PAPPA: variants seen among roughly 807,000 people sequenced by gnomAD.
PAPPA encodes the protein pappalysin-1.
A neutral mutation model predicts 164.0 loss-of-function variants in PAPPA; 60 were observed. That is an observed-to-expected ratio of 0.37 (90% CI 0.30 to 0.45). The LOEUF (loss-of-function observed/expected upper bound fraction) is 0.45. PAPPA is among the 20% of genes least tolerant of loss of function. PAPPA has a pLI of 1.00. For synonymous variants in PAPPA, 875 were observed against 814.1 expected (o/e 1.07, Z -1.27); for missense variants, 1,782 against 2,087.3 (o/e 0.85, Z 2.85).
At chr9:116,321,940 T>A (rs529266902) in intron 10 of PAPPA, among the ~76,000 whole-genome samples, 8 of 152,068 alleles carry the variant, frequency 5.3e-5, no homozygotes, top group African/African-American at 1.7e-4. Context: ...AGCCATGGAG[T>A]AAGAAGAGAA....
intron 17 of PAPPA, among the ~76,000 whole-genome samples, chr9:116,359,773 A>C (rs898675671): frequency 2.0e-5 from 3 of 152,260 alleles, no homozygotes; most frequent in Non-Finnish European, 4.4e-5. Flanking sequence ...AAAGTGATTC[A>C]TTTGTCTAGC....
At chr9:116,171,129 G>T (rs527561897) in intron 1 of PAPPA, among the ~76,000 whole-genome samples, 1 of 152,272 alleles carries the variant, frequency 6.6e-6, no homozygotes, top group African/African-American at 2.4e-5. Context: ...AAAAACAATA[G>T]GAAGTTTGAA....
At chr9:116,319,747 G>A (rs1057284326) in intron 10 of PAPPA, among the ~76,000 whole-genome samples, 3 of 152,166 alleles carry the variant, frequency 2.0e-5, no homozygotes, top group Non-Finnish European at 4.4e-5. Context: ...CATCCACTCC[G>A]AACAGGTGTG....
chr9:116,304,431 G>A (rs1216552208), intron 10 of PAPPA, among the ~76,000 whole-genome samples: 2 of 152,116 alleles, frequency 1.3e-5, no homozygotes, highest in African/African-American at 4.8e-5. Flanking sequence ...ACAGTGCTGG[G>A]GCCAGCAAGA....
intron 1 of PAPPA, among the ~76,000 whole-genome samples, chr9:116,178,573 A>G (rs1394325209): frequency 6.6e-6 from 1 of 152,234 alleles, no homozygotes; most frequent in African/African-American, 2.4e-5. Flanking sequence ...AAGGAGATAA[A>G]GAGATTTTGT....
chr9:116,381,433 C>T (rs1311702877), intron 20 of PAPPA, among the ~76,000 whole-genome samples: 1 of 152,182 alleles, frequency 6.6e-6, no homozygotes, highest in Non-Finnish European at 1.5e-5. Context: ...GCTACAGAAA[C>T]ATAAACAGAC....
At chr9:116,185,037 G>C (rs772323890) in intron 1 of PAPPA, among the ~76,000 whole-genome samples, 1 of 152,146 alleles carries the variant, frequency 6.6e-6, no homozygotes, top group Non-Finnish European at 1.5e-5. Flanking sequence ...TCAAAGAAGA[G>C]AATAATCACT....
chr9:116,325,273 C>T (rs1223887381), intron 10 of PAPPA, among the ~76,000 whole-genome samples: 1 of 152,100 alleles, frequency 6.6e-6, no homozygotes, highest in Non-Finnish European at 1.5e-5. Flanking sequence ...AGAGAAAATG[C>T]AGTGGCTCTA....
At chr9:116,168,352 A>C (rs1018026440) in intron 1 of PAPPA, among the ~76,000 whole-genome samples, 1 of 152,220 alleles carries the variant, frequency 6.6e-6, no homozygotes, top group Non-Finnish European at 1.5e-5. Context: ...GCATAGTTCC[A>C]TGCCTTGAGG....
chr9:116,280,320 C>A (rs1845251113), intron 9 of PAPPA, among the ~76,000 whole-genome samples: 1 of 152,052 alleles, frequency 6.6e-6, no homozygotes. Context: ...AAGTATATAA[C>A]CAAAGGGCCT....
rs78508711 is a variant in PAPPA at position 116,191,788 on chromosome 9, G to A, written c.1478+3572G>A. 6.2e-3 allele frequency among the ~76,000 whole-genome samples: 945 copies of A among 152,248 alleles called. 34 individuals are homozygous for A. In the East Asian group the frequency reaches 0.11, roughly 17 times the overall value. ...TGAGGGTCCTAGCAGGAAACAGATG[G>A]CACATTCAAACAGAATAATTAAGGA... On this transcript the variant is annotated intron_variant, in intron 2 of 21. Coordinates refer to ENST00000328252, the MANE Select transcript of PAPPA (RefSeq NM_002581.5).
Position 116,270,288 on chromosome 9 carries a change from C to T in PAPPA, c.2862-1037C>T, listed in dbSNP as rs1180175326. On this transcript the variant is annotated intron_variant, in intron 8 of 21. Coordinates refer to ENST00000328252, the MANE Select transcript of PAPPA (RefSeq NM_002581.5). ...TGAGAAAACTGAAGTTCAGCATCCA[C>T]AGGAGCACTGTTCAATGGATTTTTC... 1.2e-3 allele frequency among the ~76,000 whole-genome samples: 176 copies of T among 152,344 alleles called. 1 individual carries two copies. The highest frequency in any genetic ancestry group is 1.6e-4 in the Non-Finnish European group (11 of 68,032).
chr9:116,276,662 C>G (rs1029613443), intron 9 of PAPPA, among the ~76,000 whole-genome samples: 5 of 152,212 alleles, frequency 3.3e-5, no homozygotes, highest in African/African-American at 1.2e-4. Context: ...ACCCCCACGT[C>G]GTCTTTCCCA....
At chr9:116,333,068 G>A (rs1846014688) in intron 12 of PAPPA, among the ~76,000 whole-genome samples, 1 of 152,058 alleles carries the variant, frequency 6.6e-6, no homozygotes, top group Admixed American at 6.5e-5. Flanking sequence ...AGGGCCAAGG[G>A]GGAGGACAAG....
At chr9:116,302,366 G>A (rs534571988) in intron 9 of PAPPA, among the ~76,000 whole-genome samples, 78 of 151,832 alleles carry the variant, frequency 5.1e-4, no homozygotes, top group Non-Finnish European at 9.7e-4. Flanking sequence ...CATACTCACT[G>A]AAAAGCAACT....
intron 7 of PAPPA, among the ~76,000 whole-genome samples, chr9:116,252,931 T>C (rs1222501957): frequency 6.6e-6 from 1 of 152,240 alleles, no homozygotes; most frequent in African/African-American, 2.4e-5. Flanking sequence ...ATATGTGTGC[T>C]TTCTCAAACT....
In PAPPA at chr9:116,396,575, G is replaced by A. The variant is rs1484926492; in HGVS notation, c.4843G>A (p.Glu1615Lys). 1 of 780,846 alleles carries A rather than the reference G, an allele frequency of 1.3e-6. No individual in the cohort carries two copies. The highest frequency in any genetic ancestry group is 2.4e-5 in the East Asian group (1 of 41,224). 48.4% of individuals were successfully genotyped at this position (780,846 alleles called of 1,614,324 possible). A position where few individuals can be genotyped will look rare whatever the true frequency, so the allele number is the denominator to read the frequency against. The change falls in exon 22 of 22, where the codon GAA becomes AAA. Residue 1615 changes from glutamate to lysine, a missense_variant. By Grantham distance (56) the Glu-to-Lys change is moderately conservative. Coordinates refer to ENST00000328252, the MANE Select transcript of PAPPA (RefSeq NM_002581.5). ...DCACRDPQAQ[E>K]HSRKDLRGYS... is the part of the protein sequence containing the mutation. Reference sequence around the variant, plus strand: ...TGCTTGTCGGGACCCCCAGGCCCAAGAACACAGCCGGAAAGACCTCCGGGG... The same window carrying A: ...TGCTTGTCGGGACCCCCAGGCCCAAAAACACAGCCGGAAAGACCTCCGGGG...
Position 116,329,341 on chromosome 9 carries a change from G to A in PAPPA, c.3148-1903G>A, listed in dbSNP as rs1259110706. On this transcript the variant is annotated intron_variant, in intron 10 of 21. Coordinates refer to ENST00000328252, the MANE Select transcript of PAPPA (RefSeq NM_002581.5). The stretch of plus-strand genomic sequence containing the variant: ...TTTTCAATGGCTTTCTAAGCTAACA[G>A]TTTGGATTTTTTTTAATTTATAAAA... 2.0e-5 allele frequency among the ~76,000 whole-genome samples: 3 copies of A among 152,126 alleles called. No individual in the cohort carries two copies. The South Asian group carries it at 6.2e-4, about 31-fold the overall frequency.
intron 2 of PAPPA, among the ~76,000 whole-genome samples, chr9:116,199,921 C>G (rs945604496): frequency 6.6e-6 from 1 of 151,948 alleles, no homozygotes; most frequent in Non-Finnish European, 1.5e-5. Context: ...TCTTTTTAAC[C>G]ACCGACTCTC....
Sources: gnomAD v4.1 joint callset for allele counts (sites outside exome capture counted in the v4.1 genomes callset) on GRCh38, gnomAD v4.1.1 for gene constraint, MANE v1.5 for transcripts, NCBI Gene and HGNC (gene_info 2026-07-23, HGNC 2026-07-21) for gene names.